Variants in GABRG3 observed in about 807,000 individuals in gnomAD.
The protein encoded by GABRG3 is gamma-aminobutyric acid receptor subunit gamma-3.
In GABRG3, 25 loss-of-function variants were observed where a neutral mutation model predicts 48.8. That is an observed-to-expected ratio of 0.51 (90% CI 0.37 to 0.72). GABRG3 has a LOEUF of 0.72. GABRG3 is among the 30% of genes least tolerant of loss of function. GABRG3 has a pLI of 0.00. For missense variants in GABRG3, 394 were observed against 577.9 expected, an observed-to-expected ratio of 0.68 and a Z score of 3.26; for synonymous variants, 227 against 217.6, an observed-to-expected ratio of 1.04 and a Z score of -0.38.
intron 3 of GABRG3, among the ~76,000 whole-genome samples, chr15:27,314,275 A>G (rs1893136764): frequency 6.6e-6 from 1 of 152,334 alleles, no homozygotes; most frequent in East Asian, 1.9e-4. Flanking sequence ...ATGTCTCCCA[A>G]GAAGACATAC....
intron 3 of GABRG3, among the ~76,000 whole-genome samples, chr15:27,254,675 G>C (rs1214568294): frequency 2.0e-5 from 3 of 152,064 alleles, no homozygotes; most frequent in Admixed American, 2.0e-4. Context: ...TCTTTCATAA[G>C]AGTGCAGATC....
At chr15:27,034,853 C>T (rs1269638011) in intron 3 of GABRG3, among the ~76,000 whole-genome samples, 2 of 152,236 alleles carry the variant, frequency 1.3e-5, no homozygotes, top group Non-Finnish European at 1.5e-5. Context: ...ACACATCCTG[C>T]TCTACATGCC....
intron 3 of GABRG3, among the ~76,000 whole-genome samples, chr15:27,175,982 A>G (rs1435395995): frequency 6.6e-6 from 1 of 151,808 alleles, no homozygotes; most frequent in Non-Finnish European, 1.5e-5. Flanking sequence ...TTAAAAAGGC[A>G]TAGGGCATCA....
At chr15:27,149,140 A>G (rs935086237) in intron 3 of GABRG3, among the ~76,000 whole-genome samples, 3 of 152,158 alleles carry the variant, frequency 2.0e-5, no homozygotes, top group African/African-American at 7.2e-5. Flanking sequence ...ATAATGAATG[A>G]GTTCAACAAG....
chr15:27,501,352 C>T (rs1421137510), intron 6 of GABRG3, among the ~76,000 whole-genome samples: 1 of 152,164 alleles, frequency 6.6e-6, no homozygotes, highest in Non-Finnish European at 1.5e-5. Flanking sequence ...GTAACCAGAA[C>T]AGACTCTTTT....
At chr15:27,099,408 G>A (rs1307638881) in intron 3 of GABRG3, among the ~76,000 whole-genome samples, 1 of 152,114 alleles carries the variant, frequency 6.6e-6, no homozygotes, top group Non-Finnish European at 1.5e-5. Context: ...GGTGGCTGTT[G>A]TCTTCCTGTG....
intron 3 of GABRG3, among the ~76,000 whole-genome samples, chr15:27,053,742 CAG>C (rs1275516259): frequency 1.3e-5 from 2 of 152,032 alleles, no homozygotes; most frequent in Non-Finnish European, 2.9e-5. Flanking sequence ...TAAATGGTGA[CAG>C]AAAAAAGAAA....
In GABRG3 at chr15:27,523,124, T is replaced by C. The variant is rs1192886309; in HGVS notation, c.865+3000T>C. Among the ~76,000 whole-genome samples, 4 of 151,980 alleles carry C rather than the reference T, an allele frequency of 2.6e-5. No homozygotes were observed. The East Asian group carries it at 7.7e-4, about 29-fold the overall frequency. On this transcript the variant is annotated intron_variant, in intron 7 of 9. Coordinates refer to ENST00000615808, the MANE Select transcript of GABRG3 (RefSeq NM_033223.5). ...AAATGGTAAAACTAGAAATGTTAAA[T>C]TTCTAGAAAAATGTTAGGATTATAT...
At chr15:27,013,171 G>A (rs557051225) in intron 2 of GABRG3, among the ~76,000 whole-genome samples, 4 of 152,096 alleles carry the variant, frequency 2.6e-5, no homozygotes, top group East Asian at 3.9e-4. Flanking sequence ...TAACATATTC[G>A]TCCTTTTATA....
chr15:27,034,605 C>T (rs202111542), intron 3 of GABRG3, among the ~76,000 whole-genome samples: 65 of 152,208 alleles, frequency 4.3e-4, no homozygotes, highest in East Asian at 3.5e-3. Flanking sequence ...AAAAAAATCT[C>T]CAAGAACAAA....
At chr15:27,224,189 G>A (rs1027041234) in intron 3 of GABRG3, among the ~76,000 whole-genome samples, 3 of 152,156 alleles carry the variant, frequency 2.0e-5, no homozygotes, top group African/African-American at 4.8e-5. Context: ...TGGGGGTGCC[G>A]CATGTTTTCA....
chr15:27,018,221 T>C (rs1337077883), intron 2 of GABRG3, among the ~76,000 whole-genome samples: 2 of 152,238 alleles, frequency 1.3e-5, no homozygotes, highest in African/African-American at 4.8e-5. Context: ...GTCAAATTTA[T>C]AACATTACTA....
At chr15:27,065,290 G>A (rs1370359981) in intron 3 of GABRG3, among the ~76,000 whole-genome samples, 1 of 152,242 alleles carries the variant, frequency 6.6e-6, no homozygotes, top group Non-Finnish European at 1.5e-5. Flanking sequence ...ATAGGACTTG[G>A]CTGTTGCTTC....
At chr15:27,197,636 GA>G (rs777914514) in intron 3 of GABRG3, among the ~76,000 whole-genome samples, 2 of 152,096 alleles carry the variant, frequency 1.3e-5, no homozygotes, top group Non-Finnish European at 2.9e-5. Context: ...TGTCTCAAAA[GA>G]AAGAATTAAG....
chr15:27,038,620 G>T (rs2376483), intron 3 of GABRG3, among the ~76,000 whole-genome samples: 8 of 151,980 alleles, frequency 5.3e-5, no homozygotes, highest in Non-Finnish European at 1.2e-4. Context: ...CACAGACTGT[G>T]TCGATATCTT....
intron 3 of GABRG3, among the ~76,000 whole-genome samples, chr15:27,186,527 A>G (rs1888103744): frequency 6.6e-6 from 1 of 152,178 alleles, no homozygotes; most frequent in African/African-American, 2.4e-5. Context: ...TTGGGTATAT[A>G]TCCAGTAATG....
At chr15:27,048,215 CA>C (rs1277344727) in intron 3 of GABRG3, among the ~76,000 whole-genome samples, 5 of 152,128 alleles carry the variant, frequency 3.3e-5, no homozygotes, top group Non-Finnish European at 7.3e-5. Flanking sequence ...CTCATGTGCT[CA>C]TTTACTCTGA....
intron 9 of GABRG3, chr15:27,530,617 C>G (rs1440091322): frequency 1.3e-5 from 6 of 470,968 alleles, no homozygotes; most frequent in Middle Eastern, 3.2e-4. Context: ...GCTCCAGAAG[C>G]CATCCTGCTG....
chr15:27,006,160 C>T (rs893872841), intron 2 of GABRG3, among the ~76,000 whole-genome samples: 16 of 143,938 alleles, frequency 1.1e-4, no homozygotes, highest in Admixed American at 6.9e-5. Flanking sequence ...TTCAATAAAA[C>T]TTTTTTTTAC....
Sources: gnomAD v4.1 joint callset for allele counts (sites outside exome capture counted in the v4.1 genomes callset) on GRCh38, gnomAD v4.1.1 for gene constraint, MANE v1.5 for transcripts, NCBI Gene and HGNC (gene_info 2026-07-23, HGNC 2026-07-21) for gene names.